IGF2BP2: variants seen among roughly 807,000 people sequenced by gnomAD.
IGF2BP2 encodes insulin like growth factor 2 mRNA binding protein 2, also known as insulin-like growth factor 2 mRNA-binding protein 2.
A neutral mutation model predicts 75.8 loss-of-function variants in IGF2BP2; 17 were observed. That is an observed-to-expected ratio of 0.22 (90% confidence interval 0.15 to 0.34). The LOEUF (loss-of-function observed/expected upper bound fraction) is 0.34, where lower values mean the gene tolerates loss of function less well. Ranked by LOEUF, IGF2BP2 falls within the 10% of genes least tolerant of loss-of-function variation. IGF2BP2 has a pLI of 1.00. For synonymous variants in IGF2BP2, 288 were observed against 295.6 expected (o/e 0.97, Z 0.26); for missense variants, 516 against 772.4 (o/e 0.67, Z 3.93).
At chr3:185,670,527 T>A (rs1718349280) in intron 10 of IGF2BP2, among the ~76,000 whole-genome samples, 1 of 152,206 alleles carries the variant, frequency 6.6e-6, no homozygotes, top group Non-Finnish European at 1.5e-5. Flanking sequence ...GGCCCTCAGG[T>A]TGTAGCATGC....
At chr3:185,678,399 A>T (rs1433753484) in intron 7 of IGF2BP2, among the ~76,000 whole-genome samples, 3 of 152,166 alleles carry the variant, frequency 2.0e-5, no homozygotes, top group Non-Finnish European at 4.4e-5. Flanking sequence ...GATAAATAAA[A>T]ACTGAGGGAC....
intron 2 of IGF2BP2, among the ~76,000 whole-genome samples, chr3:185,699,116 A>G (rs2149362407): frequency 6.6e-6 from 1 of 152,290 alleles, no homozygotes; most frequent in Admixed American, 6.5e-5. Flanking sequence ...CACTGGCCTC[A>G]TGAGCATGTT....
intron 2 of IGF2BP2, among the ~76,000 whole-genome samples, chr3:185,739,852 ACCCCCCCTACCCC>A (rs1729317011): frequency 8.2e-5 from 2 of 24,466 alleles, no homozygotes; most frequent in Non-Finnish European, 1.6e-4. Flanking sequence ...CCTCCCCCCC[ACCCCCCCTACCCC>A]CCACCCCGAG....
intron 2 of IGF2BP2, among the ~76,000 whole-genome samples, chr3:185,755,558 C>T (rs147714726): frequency 2.8e-4 from 43 of 152,316 alleles, no homozygotes; most frequent in Non-Finnish European, 5.6e-4. Flanking sequence ...GTACTCAGCT[C>T]CAACCTAAGA....
chr3:185,821,637 A>ATT (rs58917979), intron 2 of IGF2BP2, among the ~76,000 whole-genome samples: 16 of 149,282 alleles, frequency 1.1e-4, no homozygotes, highest in African/African-American at 3.2e-4. Flanking sequence ...AATTCTAGTA[A>ATT]TTTTTTTTTT....
intron 4 of IGF2BP2, among the ~76,000 whole-genome samples, chr3:185,693,528 T>C (rs1296268815): frequency 6.6e-6 from 1 of 152,234 alleles, no homozygotes; most frequent in East Asian, 1.9e-4. Context: ...CAATTCTAAT[T>C]ACTTGGCTAA....
chr3:185,807,968 T>C (rs1357719929), intron 2 of IGF2BP2, among the ~76,000 whole-genome samples: 3 of 151,928 alleles, frequency 2.0e-5, no homozygotes, highest in Non-Finnish European at 1.5e-5. Context: ...TCAGGAAACA[T>C]GTGAGATAAT....
rs905173089 is a variant in IGF2BP2, at chr3:185,774,370, C to T, written c.239+48783G>A. On this transcript the variant is annotated intron_variant, in intron 2 of 15. Transcript: ENST00000382199. ...CTGCACTTTGGGAGGCCGAGGTGGG[C>T]GGATCACGAGGTCAGGAGATAGAGA... is the stretch of plus-strand genomic sequence containing the variant. Among the ~76,000 whole-genome samples, 8 of 151,940 alleles carry T rather than the reference C, an allele frequency of 5.3e-5. No individual in the cohort carries two copies. In the East Asian group the frequency reaches 1.5e-3, roughly 29 times the overall value.
chr3:185,798,737 TG>T (rs1737771579), intron 2 of IGF2BP2, among the ~76,000 whole-genome samples: 1 of 152,098 alleles, frequency 6.6e-6, no homozygotes. Context: ...AGACAGTACC[TG>T]TTCAAGAAAA....
chr3:185,730,649 G>A (rs1039916024), intron 2 of IGF2BP2, among the ~76,000 whole-genome samples: 3 of 152,086 alleles, frequency 2.0e-5, no homozygotes, highest in South Asian at 2.1e-4. Flanking sequence ...GGTCAGGCTC[G>A]TCTCGAGCTC....
Position 185,672,579 on chromosome 3 carries a change from G to A in IGF2BP2, c.1162C>T (p.Arg388Cys), listed in dbSNP as rs771848248. The change falls in exon 10 of 16, where the codon CGC becomes TGC. Residue 388 changes from arginine (R) to cysteine (C), a missense_variant. Around this residue, in one of 3 missense-constraint regions of IGF2BP2, gnomAD observed 75 missense variants for 67.4 expected, o/e 1.11. Coordinates refer to ENST00000382199, the MANE Select transcript of IGF2BP2 (RefSeq NM_006548.6). ...TAGGGGGCAGCGGGGGGAGCTCCGC[G>A]GGGCCCTGCTGGTGGAGATAGCACG... ...LSVLSPPAGP[R>C]GAPPAAPYHP... 24 of 1,612,818 alleles carry A rather than the reference G, an allele frequency of 1.5e-5. No individual in the cohort carries two copies. Among genetic ancestry groups the A allele is most frequent in the Non-Finnish European group, 1.8e-5 (21 of 1,179,198 alleles).
At chr3:185,676,176 C>G (rs192094569) in intron 7 of IGF2BP2, among the ~76,000 whole-genome samples, 3 of 152,054 alleles carry the variant, frequency 2.0e-5, no homozygotes, top group African/African-American at 4.8e-5. Flanking sequence ...GAGGGTATTA[C>G]AAGAACTCTA....
chr3:185,775,459 A>G (rs975646272), intron 2 of IGF2BP2, among the ~76,000 whole-genome samples: 55 of 152,228 alleles, frequency 3.6e-4, no homozygotes, highest in Non-Finnish European at 2.9e-5. Context: ...TAAACAACAC[A>G]TCACACAATG....
chr3:185,694,990 G>A (rs936298589), intron 4 of IGF2BP2, among the ~76,000 whole-genome samples: 2 of 152,126 alleles, frequency 1.3e-5, no homozygotes, highest in Admixed American at 6.5e-5. Context: ...GGGAGGCTGA[G>A]GCACAAGAAT....
At chr3:185,787,014 C>T (rs1735985286) in intron 2 of IGF2BP2, among the ~76,000 whole-genome samples, 1 of 152,190 alleles carries the variant, frequency 6.6e-6, no homozygotes, top group Admixed American at 6.5e-5. Flanking sequence ...CCAAATCTGT[C>T]CTGTGGGCTG....
intron 4 of IGF2BP2, among the ~76,000 whole-genome samples, chr3:185,695,589 A>C (rs1722476612): frequency 6.6e-6 from 1 of 152,192 alleles, no homozygotes; most frequent in African/African-American, 2.4e-5. Context: ...GGAGTTTGGA[A>C]TCTACTTTTC....
At chr3:185,729,633 A>C (rs2149507417) in intron 2 of IGF2BP2, 1 of 152,338 alleles carries the variant, frequency 6.6e-6, no homozygotes, top group Non-Finnish European at 1.5e-5. Context: ...TTAGTAAAAA[A>C]TTTTAATGTA....
chr3:185,713,280 GA>G (rs1486538561), intron 2 of IGF2BP2: 1 of 380,782 alleles, frequency 2.6e-6, no homozygotes, highest in African/African-American at 2.1e-5. Context: ...GTAATATAGG[GA>G]TACTCCACTT....
At position 185,820,202 on chromosome 3, in the gene IGF2BP2, GTA is replaced by G. The variant is rs749785827; in HGVS notation, c.239+2949_239+2950del. On this transcript the variant is annotated intron_variant, in intron 2 of 15. Coordinates refer to ENST00000382199, the MANE Select transcript of IGF2BP2 (RefSeq NM_006548.6). Reference sequence around the variant, plus strand: ...GTCTTAGTTCAAAACAAGGCATGCAGTATGTGTGTGTGTGTATGTGTATATAT... The same window carrying G: ...GTCTTAGTTCAAAACAAGGCATGCAGTGTGTGTGTGTGTATGTGTATATAT... Among the ~76,000 whole-genome samples, 145 of 136,352 alleles carry G rather than the reference GTA, an allele frequency of 1.1e-3. 2 individuals carry two copies. Among genetic ancestry groups the G allele is most frequent in the African/African-American group, 1.6e-3 (52 of 32,778 alleles). The allele number at this position is 136,352 out of a possible 152,430, so 89.5% of individuals were successfully genotyped here.
Sources: allele counts gnomAD v4.1 joint callset (sites outside exome capture counted in the v4.1 genomes callset), GRCh38; gene constraint gnomAD v4.1.1; regional missense constraint gnomAD v4.1.1; transcripts MANE v1.5; gene names NCBI Gene and HGNC (gene_info 2026-07-23, HGNC 2026-07-21).